The following HAPLN2 variants were observed in gnomAD, a reference collection of about 807,000 sequenced individuals.
HAPLN2 encodes hyaluronan and proteoglycan link protein 2, also known as brain link protein-1.
Under a neutral mutation model 29.3 loss-of-function variants are expected in HAPLN2, and 27 were observed. That is an observed-to-expected ratio of 0.92 (90% CI 0.68 to 1.27). The LOEUF (loss-of-function observed/expected upper bound fraction) is 1.27. HAPLN2 is among the 50% of genes most tolerant of loss of function. The pLI is 0.00. For missense variants in HAPLN2, 454 were observed against 484.3 expected, an observed-to-expected ratio of 0.94 and a Z score of 0.59; for synonymous variants, 208 against 211.7, an observed-to-expected ratio of 0.98 and a Z score of 0.15.
chr1:156,624,809 C>A (rs945437652), intron 6 of HAPLN2, 26 bp downstream of exon 6: 1 of 1,469,522 alleles, frequency 6.8e-7, no homozygotes, highest in South Asian at 1.4e-5. Flanking sequence ...AAGGCAGGGT[C>A]TTGGGGAGGG....
the HAPLN2 span, among the ~76,000 whole-genome samples, chr1:156,608,642 A>C: frequency 6.6e-6 from 1 of 151,936 alleles, no homozygotes; most frequent in African/African-American, 2.4e-5. Context: ...ACCCAGGTTC[A>C]AGTGATTCTT....
the HAPLN2 span, among the ~76,000 whole-genome samples, chr1:156,607,564 C>A: frequency 6.6e-6 from 1 of 152,140 alleles, no homozygotes; most frequent in Non-Finnish European, 1.5e-5. Flanking sequence ...TGACTGGCCC[C>A]AGGGGAAGAC....
At chr1:156,624,511 C>T in intron 5 of HAPLN2, 44 bp downstream of exon 5, 1 of 1,606,216 alleles carries the variant, frequency 6.2e-7, no homozygotes, top group Non-Finnish European at 8.5e-7. Context: ...GCGGAGCTGT[C>T]TCAGGGGCCC....
At chr1:156,621,855 T>C (rs1678237724) in intron 2 of HAPLN2, among the ~76,000 whole-genome samples, 1 of 151,230 alleles carries the variant, frequency 6.6e-6, no homozygotes, top group Non-Finnish European at 1.5e-5. Flanking sequence ...TAAGACCCTG[T>C]ATCTGATTAA....
At chr1:156,611,664 CAGT>C in the HAPLN2 span, among the ~76,000 whole-genome samples, 3 of 152,214 alleles carry the variant, frequency 2.0e-5, no homozygotes, top group Admixed American at 1.3e-4. Context: ...TTCAATCAAT[CAGT>C]AGCTGTCTGT....
At chr1:156,620,720 G>T (rs1382278264) in intron 2 of HAPLN2, among the ~76,000 whole-genome samples, 1 of 152,102 alleles carries the variant, frequency 6.6e-6, no homozygotes, top group Non-Finnish European at 1.5e-5. Context: ...CAACTTCTCA[G>T]GGTGCTTCCT....
the HAPLN2 span, among the ~76,000 whole-genome samples, chr1:156,602,501 A>C: frequency 7.0e-6 from 1 of 142,554 alleles, no homozygotes; most frequent in Middle Eastern, 3.4e-3. Context: ...TGAGCCCAGA[A>C]GTTCAAGACC....
rs1678405800 is a variant in HAPLN2, at chr1:156,625,157, CGG to C, written c.797_798del (p.Arg266ProfsTer31). The C allele has an allele frequency of 6.5e-7, 1 of 1,543,724 alleles. No homozygotes were observed. ...GCTGTCTGAAGCCCACGCGGCGTGC[CGG>C]CGACGCGGCGCCGTGGTGGCCAAGG... is the stretch of plus-strand genomic sequence containing the variant. ...LTLSEAHAAC[R>X]RRGAVVAKVG... is the part of the protein sequence containing the mutation. On this transcript the variant is annotated frameshift_variant, in exon 7 of 7. Transcript: ENST00000255039. LOFTEE classifies it low-confidence loss of function (END_TRUNC). This position sits in a 1 kb window ranked among gnomAD's most constrained non-coding sequence, Gnocchi z 5.7.
At chr1:156,610,915 T>A in the HAPLN2 span, among the ~76,000 whole-genome samples, 2 of 152,262 alleles carry the variant, frequency 1.3e-5, no homozygotes, top group African/African-American at 4.8e-5. Flanking sequence ...ATGATATTAC[T>A]TTTGTTTCAT....
chr1:156,625,698 A>G lies in HAPLN2; in HGVS notation c.*314A>G, dbSNP rs1364406623. On this transcript the variant is annotated 3_prime_UTR_variant, in exon 7 of 7. Coordinates refer to ENST00000255039, the MANE Select transcript of HAPLN2 (RefSeq NM_021817.3). The surrounding 1 kb of genome is among the most constrained non-coding windows in gnomAD (Gnocchi z 5.7). Reference sequence around the variant, plus strand: ...CGGGGGCATTAACTGACCTCTGAGTACAGCAATAAAATAACCTGGGGATCT... The same window carrying G: ...CGGGGGCATTAACTGACCTCTGAGTGCAGCAATAAAATAACCTGGGGATCT... 3.0e-6 allele frequency: 1 copy of G among 333,148 alleles called. No homozygotes were observed. Among genetic ancestry groups the G allele is most frequent in the African/African-American group, 2.2e-5 (1 of 46,046 alleles). 20.6% of individuals were successfully genotyped at this position (333,148 alleles called of 1,614,324 possible).
chr1:156,607,870 T>A, the HAPLN2 span, among the ~76,000 whole-genome samples: 28 of 152,030 alleles, frequency 1.8e-4, no homozygotes, highest in Admixed American at 9.8e-4. Flanking sequence ...GTGGGATTTT[T>A]AAAAAAAATC....
chr1:156,619,601 G>A (rs1678154807), intron 1 of HAPLN2, 66 bp downstream of exon 1: 1 of 152,262 alleles, frequency 6.6e-6, no homozygotes, highest in African/African-American at 2.4e-5. Flanking sequence ...ATATGGAAAG[G>A]GAGGCAGCTC....
chr1:156,604,919 CTTT>C, the HAPLN2 span, among the ~76,000 whole-genome samples: 3 of 139,724 alleles, frequency 2.1e-5, no homozygotes, highest in Non-Finnish European at 1.6e-5. Context: ...TCCCAGCTGG[CTTT>C]TTTTTTTTTT....
intron 5 of HAPLN2, 35 bp downstream of exon 5, chr1:156,624,502 C>A (rs760418218): frequency 6.2e-7 from 1 of 1,607,294 alleles, no homozygotes; most frequent in Admixed American, 1.7e-5. Context: ...CCAAGCCCCG[C>A]GGAGCTGTCT....
chr1:156,625,391 AC>A lies in HAPLN2; in HGVS notation c.*9del, dbSNP rs1678418862. On this transcript the variant is annotated 3_prime_UTR_variant, in exon 7 of 7. Transcript: ENST00000255039. The surrounding 1 kb of genome is among the most constrained non-coding windows in gnomAD (Gnocchi z 5.7). ...CTGCTACGCCGAGAATTAGGCGCCC[AC>A]CGTGTCCCCTCCAGCGCGCGCGAAG... The A allele has an allele frequency of 6.3e-7, 1 of 1,578,284 alleles. No individual in the cohort carries two copies.
At chr1:156,601,637 C>T in the HAPLN2 span, 7 of 623,430 alleles carry the variant, frequency 1.1e-5, no homozygotes, top group East Asian at 1.1e-4. Context: ...GGTTCCGAGG[C>T]TGTTCCACTT....
the HAPLN2 span, among the ~76,000 whole-genome samples, chr1:156,611,732 T>G: frequency 6.6e-6 from 1 of 152,222 alleles, no homozygotes; most frequent in East Asian, 1.9e-4. Flanking sequence ...TGATAATGCC[T>G]AAAATGTATT....
chr1:156,611,864 A>G, the HAPLN2 span, among the ~76,000 whole-genome samples: 28 of 152,078 alleles, frequency 1.8e-4, no homozygotes, highest in Non-Finnish European at 3.5e-4. Flanking sequence ...AGGATATGGA[A>G]CTTTTTTGTT....
chr1:156,624,722 C>G lies in HAPLN2; in HGVS notation c.678C>G (p.Tyr226Ter), dbSNP rs1349979153. 10 of 1,575,990 alleles carry G rather than the reference C, an allele frequency of 6.3e-6. No homozygotes were observed. The highest frequency in any genetic ancestry group is 8.6e-6 in the Non-Finnish European group (10 of 1,166,962). ...GGRGRPGIRSYGPRDRMRDRY... is the reference protein window; with the variant it reads ...GGRGRPGIRS The stretch of plus-strand genomic sequence containing the variant: ...GAGGCCGGCCCGGGATCCGCAGCTA[C>G]GGACCCCGCGACCGGATGCGCGACC... The change falls in exon 6 of 7, where the codon TAC becomes TAG. Residue 226 changes from tyrosine to a stop codon, truncating the protein, a stop_gained. Transcript: ENST00000255039. LOFTEE classifies it high-confidence loss of function.
Sources: allele counts gnomAD v4.1 joint callset (sites outside exome capture counted in the v4.1 genomes callset), GRCh38; gene constraint gnomAD v4.1.1; non-coding constraint Gnocchi (gnomAD v3.1); transcripts MANE v1.5; gene names NCBI Gene and HGNC (gene_info 2026-07-23, HGNC 2026-07-21).